JPH1: variants seen among roughly 807,000 people sequenced by gnomAD.
JPH1 encodes the protein junctophilin 1, also known as junctophilin-1.
In JPH1, 12 loss-of-function variants were observed where a neutral mutation model predicts 53.6. The ratio of observed to expected loss-of-function variants is 0.22; its 90% CI spans 0.14 to 0.36. The LOEUF is 0.36. Among genes scored for constraint, JPH1 ranks in the 10% least tolerant of loss-of-function variants. The probability of loss-of-function intolerance (pLI) is 1.00; values close to 1 mark genes in which losing one functional copy is unlikely to be tolerated. For missense variants in JPH1, 808 were observed against 905.5 expected (o/e 0.89, Z 1.38); for synonymous variants, 375 against 363.8 (o/e 1.03, Z -0.35).
chr8:74,285,329 T>A (rs959764343), intron 2 of JPH1, among the ~76,000 whole-genome samples: 1 of 152,048 alleles, frequency 6.6e-6, no homozygotes, highest in Non-Finnish European at 1.5e-5. Flanking sequence ...ATACTACATA[T>A]AAATACTATA....
chr8:74,263,654 T>G (rs1311153260), intron 2 of JPH1, among the ~76,000 whole-genome samples: 1 of 152,198 alleles, frequency 6.6e-6, no homozygotes, highest in Non-Finnish European at 1.5e-5. Flanking sequence ...TCACATGCTC[T>G]GGTTCACTGT....
chr8:74,307,253 AT>A (rs1807866082), intron 2 of JPH1, among the ~76,000 whole-genome samples: 1 of 152,090 alleles, frequency 6.6e-6, no homozygotes, highest in Admixed American at 6.5e-5. Context: ...TACTTCTAGG[AT>A]TGCAACATTT....
intron 3 of JPH1, among the ~76,000 whole-genome samples, chr8:74,246,543 C>T (rs1805867619): frequency 6.6e-6 from 1 of 151,946 alleles, no homozygotes. Context: ...TCACCAAAAT[C>T]TTAGGGAGTA....
In JPH1 at chr8:74,321,101, A is replaced by C; in HGVS notation, c.187T>G (p.Tyr63Asp). 1 of 1,613,384 alleles carries C rather than the reference A, an allele frequency of 6.2e-7. No individual in the cohort carries two copies. Reference protein sequence around the residue: ...TWPSGNTYQGYWAQGKRHGLG... With the variant: ...TWPSGNTYQGDWAQGKRHGLG... ...CCGTGCCGCTTGCCCTGCGCCCAGT[A>C]GCCCTGGTAGGTGTTGCCGCTGGGC... Residue 63 changes from tyrosine to aspartate, a missense_variant, in exon 1 of 6, where the codon TAC becomes GAC. By Grantham distance (160) the Tyr-to-Asp change is radical. Coordinates refer to ENST00000342232, the MANE Select transcript of JPH1 (RefSeq NM_020647.4). The surrounding 1 kb of genome is among the most constrained non-coding windows in gnomAD (Gnocchi z 4.3).
At chr8:74,269,216 C>T (rs10088355) in intron 2 of JPH1, among the ~76,000 whole-genome samples, 10,648 of 152,242 alleles carry the variant, frequency 0.07, 949 homozygotes, top group African/African-American at 0.2. Flanking sequence ...CTTCTGATGC[C>T]GAACAGTATG....
intron 3 of JPH1, among the ~76,000 whole-genome samples, chr8:74,248,156 T>C (rs553312106): frequency 1.3e-5 from 2 of 152,348 alleles, no homozygotes; most frequent in South Asian, 4.1e-4. Flanking sequence ...ATGTCTTACA[T>C]GATTACTCAT....
chr8:74,262,806 C>A (rs1400654422), intron 2 of JPH1, among the ~76,000 whole-genome samples: 2 of 152,210 alleles, frequency 1.3e-5, no homozygotes, highest in Non-Finnish European at 2.9e-5. Context: ...GCTCACTGAG[C>A]AGCTATGGAA....
intron 3 of JPH1, 88 bp from the exon 4 acceptor site, chr8:74,245,263 A>C: frequency 1.8e-6 from 2 of 1,128,210 alleles, no homozygotes; most frequent in South Asian, 3.8e-5. Flanking sequence ...TTCTCTTTTA[A>C]AAATAATATA....
chr8:74,316,759 T>C (rs978740803), intron 1 of JPH1, among the ~76,000 whole-genome samples: 1 of 152,202 alleles, frequency 6.6e-6, no homozygotes, highest in Admixed American at 6.5e-5. Context: ...TGCTACTAAA[T>C]AAATAAGCAA....
chr8:74,242,277 A>T (rs1366039788), intron 4 of JPH1, among the ~76,000 whole-genome samples: 5 of 152,226 alleles, frequency 3.3e-5, no homozygotes, highest in Admixed American at 3.3e-4. Flanking sequence ...TGAAACAAAC[A>T]TCATAATAGC....
chr8:74,249,520 C>T (rs1023720079), intron 3 of JPH1, among the ~76,000 whole-genome samples: 6 of 152,140 alleles, frequency 3.9e-5, no homozygotes, highest in Non-Finnish European at 7.3e-5. Context: ...TTTCTAGTAC[C>T]CTGCACTTGG....
chr8:74,301,064 T>G (rs563489410), intron 2 of JPH1, among the ~76,000 whole-genome samples: 1 of 152,164 alleles, frequency 6.6e-6, no homozygotes, highest in African/African-American at 2.4e-5. Flanking sequence ...TATTAGAGTA[T>G]CATCCACACA....
At chr8:74,251,560 CT>C (rs1806061714) in intron 3 of JPH1, among the ~76,000 whole-genome samples, 1 of 152,114 alleles carries the variant, frequency 6.6e-6, no homozygotes, top group Admixed American at 6.5e-5. Flanking sequence ...GAGCTTAACC[CT>C]TTGGGGGAGA....
intron 2 of JPH1, among the ~76,000 whole-genome samples, chr8:74,262,424 G>A (rs1451861516): frequency 6.6e-6 from 1 of 152,200 alleles, no homozygotes; most frequent in Non-Finnish European, 1.5e-5. Context: ...AGGTTAGGCA[G>A]TCTGGAGAGA....
At chr8:74,257,921 G>A (rs576827410) in intron 3 of JPH1, among the ~76,000 whole-genome samples, 16 of 152,138 alleles carry the variant, frequency 1.1e-4, no homozygotes, top group African/African-American at 3.9e-4. Context: ...TATAAAAACC[G>A]AATCTTCTTT....
intron 2 of JPH1, among the ~76,000 whole-genome samples, chr8:74,300,326 T>G (rs1264142615): frequency 8.5e-5 from 13 of 152,204 alleles, no homozygotes; most frequent in Non-Finnish European, 1.5e-4. Context: ...CGGGACTGAC[T>G]GAATTGCTTC....
At chr8:74,306,262 C>G (rs1807830455) in intron 2 of JPH1, among the ~76,000 whole-genome samples, 1 of 152,104 alleles carries the variant, frequency 6.6e-6, no homozygotes. Flanking sequence ...GAGCTGGCAC[C>G]TAGGTCATCT....
rs1353872860 is a variant in JPH1 at position 74,235,697 on chromosome 8, T to C, written c.*1354A>G. The stretch of plus-strand genomic sequence containing the variant: ...AAGCATGCTTCTGAATAACAAAGGG[T>C]AAATTATAAAACAGCAAAAATCCAG... On this transcript the variant is annotated 3_prime_UTR_variant, in exon 6 of 6. Coordinates refer to ENST00000342232, the MANE Select transcript of JPH1 (RefSeq NM_020647.4). 2.6e-5 allele frequency: 4 copies of C among 152,518 alleles called. No individual in the cohort carries two copies. In the East Asian group the frequency reaches 7.7e-4, roughly 29 times the overall value. The allele number at this position is 152,518 out of a possible 1,614,324, so 9.4% of individuals were successfully genotyped here.
chr8:74,290,422 A>T (rs894510254), intron 2 of JPH1, among the ~76,000 whole-genome samples: 5 of 152,218 alleles, frequency 3.3e-5, no homozygotes, highest in Non-Finnish European at 7.3e-5. Flanking sequence ...CCAACTTACA[A>T]GGGATGTGAA....
Sources: gnomAD v4.1 joint callset for allele counts (sites outside exome capture counted in the v4.1 genomes callset) on GRCh38, gnomAD v4.1.1 for gene constraint, Gnocchi (gnomAD v3.1) non-coding constraint, MANE v1.5 for transcripts, NCBI Gene and HGNC (gene_info 2026-07-23, HGNC 2026-07-21) for gene names.